Variants in TAFA1 observed in about 807,000 individuals in gnomAD.
TAFA1 encodes TAFA chemokine like family member 1.
A neutral mutation model predicts 18.5 loss-of-function variants in TAFA1; 4 were observed. The ratio of observed to expected loss-of-function variants is 0.22; its 90% confidence interval spans 0.11 to 0.49. The LOEUF is 0.49. Among genes scored for constraint, TAFA1 ranks in the 20% least tolerant of loss-of-function variants. The pLI, the probability that TAFA1 is intolerant of heterozygous loss-of-function variation, is 0.98. For missense variants in TAFA1, 147 were observed against 169.0 expected, an observed-to-expected ratio of 0.87 and a Z score of 0.72; for synonymous variants, 56 against 55.2, an observed-to-expected ratio of 1.01 and a Z score of -0.06.
chr3:68,397,147 T>A (rs1440428189), intron 2 of TAFA1, among the ~76,000 whole-genome samples: 1 of 152,226 alleles, frequency 6.6e-6, no homozygotes, highest in Non-Finnish European at 1.5e-5. Flanking sequence ...TTTCTTTTTT[T>A]TAAATTTATT....
intron 2 of TAFA1, among the ~76,000 whole-genome samples, chr3:68,408,852 C>G (rs1490644626): frequency 6.6e-6 from 1 of 152,058 alleles, no homozygotes; most frequent in East Asian, 1.9e-4. Flanking sequence ...TAATGGGGGT[C>G]AAAAGTGAGT....
At chr3:68,427,682 G>C (rs1408828994) in intron 3 of TAFA1, among the ~76,000 whole-genome samples, 1 of 151,740 alleles carries the variant, frequency 6.6e-6, no homozygotes, top group East Asian at 1.9e-4. Flanking sequence ...CAAACAACAA[G>C]ATATGAATTA....
chr3:68,052,999 T>C (rs2064490687), intron 2 of TAFA1, among the ~76,000 whole-genome samples: 1 of 152,306 alleles, frequency 6.6e-6, no homozygotes, highest in Non-Finnish European at 1.5e-5. Flanking sequence ...AATGTTTACT[T>C]CACTGACACC....
chr3:68,094,348 A>G (rs868023737), intron 2 of TAFA1, among the ~76,000 whole-genome samples: 1 of 152,164 alleles, frequency 6.6e-6, no homozygotes, highest in Middle Eastern at 3.4e-3. Context: ...TTACTGTCTC[A>G]CTTCCTCAAT....
rs1447594435 is a variant in TAFA1, at chr3:68,316,031, T to C, written c.119-101249T>C. On this transcript the variant is annotated intron_variant, in intron 2 of 4. Transcript: ENST00000478136. ...ATAATGAAAGCATGACAGAGGGTGATTAATTATATTTCAGAGCCAGATAAT... is the reference window on the plus strand; with the variant it reads ...ATAATGAAAGCATGACAGAGGGTGACTAATTATATTTCAGAGCCAGATAAT... Among the ~76,000 whole-genome samples the C allele has an allele frequency of 2.6e-4, 40 of 152,180 alleles. 1 individual carries two copies. The highest frequency in any genetic ancestry group is 2.6e-3 in the Admixed American group (40 of 15,270).
chr3:68,291,760 C>T (rs2068114031), intron 2 of TAFA1, among the ~76,000 whole-genome samples: 1 of 152,050 alleles, frequency 6.6e-6, no homozygotes. Flanking sequence ...TTATTTATGT[C>T]CCTAAAACCA....
In TAFA1 at chr3:68,133,342, C is replaced by T. The variant is rs149268706; in HGVS notation, c.118+126598C>T. 1.6e-3 allele frequency among the ~76,000 whole-genome samples: 237 copies of T among 152,230 alleles called. 2 individuals are homozygous for T. The highest frequency in any genetic ancestry group is 4.8e-3 in the African/African-American group (200 of 41,536). ...TTCTTTTTGCTTACAATTATCTTGG[C>T]TATATGGGCTCTTTTTTGGTTCCAT... On this transcript the variant is annotated intron_variant, in intron 2 of 4. Transcript: ENST00000478136.
intron 2 of TAFA1, among the ~76,000 whole-genome samples, chr3:68,149,054 C>T (rs2065776160): frequency 2.0e-5 from 3 of 152,160 alleles, no homozygotes; most frequent in African/African-American, 7.2e-5. Flanking sequence ...CTGAGTGTAC[C>T]TGGAAGTAAG....
chr3:68,508,171 A>G (rs2072790183), intron 3 of TAFA1, among the ~76,000 whole-genome samples: 1 of 151,760 alleles, frequency 6.6e-6, no homozygotes. Flanking sequence ...GTGGAAGAGG[A>G]GTTTTCTGAT....
chr3:68,001,647 G>A (rs1316006864), upstream of TAFA1, among the ~76,000 whole-genome samples: 1 of 150,238 alleles, frequency 6.7e-6, no homozygotes, highest in Non-Finnish European at 1.5e-5. Flanking sequence ...GTACTTTTAA[G>A]ACATAGTTGT....
chr3:68,385,813 C>T (rs981052547), intron 2 of TAFA1, among the ~76,000 whole-genome samples: 2 of 151,786 alleles, frequency 1.3e-5, no homozygotes, highest in African/African-American at 4.8e-5. Context: ...ATTTGAAATA[C>T]AATTGTACGT....
intron 2 of TAFA1, among the ~76,000 whole-genome samples, chr3:68,280,653 G>C (rs777348131): frequency 3.7e-4 from 56 of 151,904 alleles, no homozygotes; most frequent in Non-Finnish European, 6.8e-4. Context: ...GGGATGATTA[G>C]AAAGATTTTA....
At chr3:68,095,619 G>A (rs1414308460) in intron 2 of TAFA1, among the ~76,000 whole-genome samples, 1 of 152,034 alleles carries the variant, frequency 6.6e-6, no homozygotes. Flanking sequence ...GTAAGACATG[G>A]TCCTCACCCT....
At chr3:68,431,898 G>A (rs2071181552) in intron 3 of TAFA1, among the ~76,000 whole-genome samples, 1 of 151,886 alleles carries the variant, frequency 6.6e-6, no homozygotes, top group African/African-American at 2.4e-5. Context: ...AACTCTAAGG[G>A]GTCCACGTGA....
At chr3:68,243,367 C>T (rs1243614218) in intron 2 of TAFA1, among the ~76,000 whole-genome samples, 1 of 120,974 alleles carries the variant, frequency 8.3e-6, no homozygotes, top group Non-Finnish European at 1.8e-5. Flanking sequence ...GATCTATGCT[C>T]ACATGGGTAC....
intron 3 of TAFA1, among the ~76,000 whole-genome samples, chr3:68,467,858 G>C (rs1451127937): frequency 6.6e-6 from 1 of 152,074 alleles, no homozygotes; most frequent in African/African-American, 2.4e-5. Context: ...CAAAAGTCAG[G>C]TCCAGTTGAA....
At chr3:68,019,610 G>C (rs768790983) in intron 2 of TAFA1, among the ~76,000 whole-genome samples, 2 of 152,120 alleles carry the variant, frequency 1.3e-5, no homozygotes, top group Admixed American at 6.5e-5. Flanking sequence ...TAAGTGATTT[G>C]ATCATTTGCA....
At chr3:68,178,117 C>G (rs902404757) in intron 2 of TAFA1, among the ~76,000 whole-genome samples, 1 of 151,816 alleles carries the variant, frequency 6.6e-6, no homozygotes, top group Non-Finnish European at 1.5e-5. Context: ...GCACTCCAGC[C>G]TGGGTGAGAG....
At chr3:68,033,884 T>G (rs1287778406) in intron 2 of TAFA1, among the ~76,000 whole-genome samples, 1 of 152,196 alleles carries the variant, frequency 6.6e-6, no homozygotes, top group Non-Finnish European at 1.5e-5. Flanking sequence ...ATATCACCTT[T>G]CACTTAGGAG....
Sources: allele counts gnomAD v4.1 joint callset (sites outside exome capture counted in the v4.1 genomes callset), GRCh38; gene constraint gnomAD v4.1.1; transcripts MANE v1.5; gene names NCBI Gene and HGNC (gene_info 2026-07-23, HGNC 2026-07-21).